Variants in ATL2 observed in about 807,000 individuals in gnomAD.
ATL2 encodes atlastin GTPase 2.
ATL2 carries 31 observed loss-of-function variants against 73.9 expected under a neutral mutation model. The observed-to-expected ratio is 0.42, with a 90% confidence interval of 0.32 to 0.57. The LOEUF is 0.57. Ranked by LOEUF, ATL2 falls within the 20% of genes least tolerant of loss-of-function variation. The probability of loss-of-function intolerance (pLI) is 0.14; values close to 1 mark genes in which losing one functional copy is unlikely to be tolerated. For synonymous variants in ATL2, 291 were observed against 237.5 expected, an observed-to-expected ratio of 1.23 and a Z score of -2.07; for missense variants, 738 against 702.6, an observed-to-expected ratio of 1.05 and a Z score of -0.57.
chr2:38,320,294 T>TG, intron 2 of ATL2, among the ~76,000 whole-genome samples: 1 of 152,062 alleles, frequency 6.6e-6, no homozygotes, highest in East Asian at 1.9e-4. Context: ...AATGATACTG[T>TG]GGTTAGGAAA....
intron 2 of ATL2, among the ~76,000 whole-genome samples, chr2:38,340,639 G>C (rs1392746376): frequency 6.6e-6 from 1 of 152,112 alleles, no homozygotes; most frequent in Non-Finnish European, 1.5e-5. Context: ...CTTTCAGCTA[G>C]CATCCCACCT....
intron 6 of ATL2, 84 bp downstream of exon 6, chr2:38,314,524 C>G: frequency 1.1e-6 from 1 of 908,008 alleles, no homozygotes; most frequent in Non-Finnish European, 1.8e-6. Context: ...ATTGTAATAT[C>G]CTGGTGTCTC....
chr2:38,365,467 C>G (rs1671266646), intron 1 of ATL2, among the ~76,000 whole-genome samples: 1 of 152,044 alleles, frequency 6.6e-6, no homozygotes, highest in Non-Finnish European at 1.5e-5. Flanking sequence ...CCAGCCTTGG[C>G]AACATGGTGA....
intron 7 of ATL2, among the ~76,000 whole-genome samples, chr2:38,311,627 C>G (rs1204775299): frequency 2.0e-5 from 3 of 152,094 alleles, no homozygotes; most frequent in Non-Finnish European, 4.4e-5. Context: ...TGATTCCATC[C>G]ACATAAAGTA....
chr2:38,336,926 G>C (rs886706538), intron 2 of ATL2, among the ~76,000 whole-genome samples: 1 of 152,144 alleles, frequency 6.6e-6, no homozygotes, highest in Non-Finnish European at 1.5e-5. Flanking sequence ...TGCCAAAAGA[G>C]CGTCAAACTT....
At chr2:38,311,877 T>C (rs957457170) in intron 7 of ATL2, among the ~76,000 whole-genome samples, 4 of 152,372 alleles carry the variant, frequency 2.6e-5, no homozygotes, top group African/African-American at 9.6e-5. Context: ...AGTATGTCTA[T>C]TGTGCTTTGT....
chr2:38,330,149 A>G (rs1668900440), intron 2 of ATL2, among the ~76,000 whole-genome samples: 1 of 151,848 alleles, frequency 6.6e-6, no homozygotes. Flanking sequence ...AAAGAAAAAA[A>G]AAACACATGA....
intron 1 of ATL2, chr2:38,376,549 C>G (rs1469798691): frequency 6.0e-6 from 1 of 166,400 alleles, no homozygotes; most frequent in Non-Finnish European, 1.3e-5. Context: ...AAACGCGAGC[C>G]CGGGGACAGA....
chr2:38,316,957 C>A (rs866871458), intron 4 of ATL2, among the ~76,000 whole-genome samples: 2 of 152,194 alleles, frequency 1.3e-5, no homozygotes, highest in African/African-American at 4.8e-5. Flanking sequence ...AGGGTCCCCA[C>A]CAGCGTCACT....
chr2:38,371,076 T>G (rs914199463), intron 1 of ATL2, among the ~76,000 whole-genome samples: 9 of 152,082 alleles, frequency 5.9e-5, no homozygotes, highest in Non-Finnish European at 1.0e-4. Context: ...ATCCCACAAA[T>G]TCATTCACTG....
intron 1 of ATL2, among the ~76,000 whole-genome samples, chr2:38,346,335 AATAAT>A (rs1386051675): frequency 6.6e-6 from 1 of 152,142 alleles, no homozygotes; most frequent in Non-Finnish European, 1.5e-5. Flanking sequence ...GTAGCAACTA[AATAAT>A]ATAGTTACAT....
intron 1 of ATL2, among the ~76,000 whole-genome samples, chr2:38,355,865 T>G (rs946576729): frequency 1.3e-5 from 2 of 151,676 alleles, no homozygotes; most frequent in African/African-American, 4.8e-5. Context: ...ACGCCTAATT[T>G]TTGTATTTTT....
In ATL2 at chr2:38,310,341, G is replaced by A. The variant is rs1667686434; in HGVS notation, c.911C>T (p.Ala304Val). 1 of 1,612,674 alleles carries A rather than the reference G, an allele frequency of 6.2e-7. No homozygotes were observed. Among genetic ancestry groups the A allele is most frequent in the Non-Finnish European group, 8.5e-7 (1 of 1,179,568 alleles). Residue 304 changes from alanine to valine, a missense_variant, in exon 8 of 13, where the codon GCA (alanine) becomes GTA (valine). Coordinates refer to ENST00000378954, the MANE Select transcript of ATL2 (RefSeq NM_001135673.4). ...TCTCCCATCAAAACTAGGATTAGTT[G>A]CAACTTTAAGACCAGGATGTGGCAA... ...FLLPHPGLKVATNPSFDGRLK... is the reference protein window; with the variant it reads ...FLLPHPGLKVVTNPSFDGRLK...
rs1280578649 is a variant in ATL2 at position 38,325,633 on chromosome 2, C to T, written c.364-6614G>A. ...CTACACACACACCAGTACATACACA[C>T]ACACACACACACACACACACACACC... On this transcript the variant is annotated intron_variant, in intron 2 of 12. Coordinates refer to ENST00000378954, the MANE Select transcript of ATL2 (RefSeq NM_001135673.4). Among the ~76,000 whole-genome samples the T allele has an allele frequency of 2.1e-3, 150 of 71,662 alleles. 5 individuals are homozygous for T. The highest frequency in any genetic ancestry group is 0.018 in the African/African-American group (139 of 7,734). 47.0% of individuals were successfully genotyped at this position (71,662 alleles called of 152,430 possible).
chr2:38,322,092 G>A (rs780357273), intron 2 of ATL2, among the ~76,000 whole-genome samples: 1 of 151,852 alleles, frequency 6.6e-6, no homozygotes, highest in African/African-American at 2.4e-5. Context: ...TGAGAGCAAA[G>A]GCTACAAACA....
chr2:38,344,936 C>A lies in ATL2; in HGVS notation c.119-1424G>T, dbSNP rs145151548. ...ACCACAACACATTAAAATAAGGTAA[C>A]CTTTGCAGACATAACTTTACTGAAT... On this transcript the variant is annotated intron_variant, in intron 1 of 12. Transcript: ENST00000378954. Among the ~76,000 whole-genome samples the A allele has an allele frequency of 8.5e-4, 130 of 152,210 alleles. 2 individuals are homozygous for A. The highest frequency in any genetic ancestry group is 3.0e-3 in the African/African-American group (126 of 41,518).
chr2:38,340,177 G>A (rs1164858404), intron 2 of ATL2, among the ~76,000 whole-genome samples: 1 of 114,296 alleles, frequency 8.7e-6, no homozygotes, highest in African/African-American at 3.0e-5. Flanking sequence ...TTGGTGGGGG[G>A]GGGGGGGGGG....
chr2:38,301,333 A>C (rs1022802586), intron 9 of ATL2, among the ~76,000 whole-genome samples: 1 of 152,230 alleles, frequency 6.6e-6, no homozygotes, highest in Admixed American at 6.5e-5. Context: ...AAGATGGCCA[A>C]ATAGAAGCCT....
Position 38,295,967 on chromosome 2 carries a change from G to A in ATL2, c.*27C>T, listed in dbSNP as rs772583727. The A allele has an allele frequency of 1.3e-6, 2 of 1,486,902 alleles. No individual in the cohort carries two copies. Among genetic ancestry groups the A allele is most frequent in the East Asian group, 2.5e-5 (1 of 40,414 alleles). 92.1% of individuals were successfully genotyped at this position (1,486,902 alleles called of 1,614,324 possible). Reference sequence around the variant, plus strand: ...GTACAGCAAGCATGAAAAAAAAAGAGAGTGGAGTCCGTGAGGAGATGAACT... The same window carrying A: ...GTACAGCAAGCATGAAAAAAAAAGAAAGTGGAGTCCGTGAGGAGATGAACT... On this transcript the variant is annotated 3_prime_UTR_variant, in exon 13 of 13. Transcript: ENST00000378954.
Sources: gnomAD v4.1 joint callset for allele counts (sites outside exome capture counted in the v4.1 genomes callset) on GRCh38, gnomAD v4.1.1 for gene constraint, MANE v1.5 for transcripts, NCBI Gene and HGNC (gene_info 2026-07-23, HGNC 2026-07-21) for gene names.